The following SOX5 variants were observed in gnomAD, a reference collection of about 807,000 sequenced individuals.
SOX5 encodes the protein transcription factor SOX-5.
A neutral mutation model predicts 92.0 loss-of-function variants in SOX5; 9 were observed. The ratio of observed to expected loss-of-function variants is 0.10; its 90% confidence interval spans 0.06 to 0.17. The LOEUF (loss-of-function observed/expected upper bound fraction) is 0.17. Among genes scored for constraint, SOX5 ranks in the 10% least tolerant of loss-of-function variants. The probability of loss-of-function intolerance (pLI) is 1.00; values close to 1 mark genes in which losing one functional copy is unlikely to be tolerated. For missense variants in SOX5, 642 were observed against 944.5 expected, an observed-to-expected ratio of 0.68 and a Z score of 4.20; for synonymous variants, 344 against 336.3, an observed-to-expected ratio of 1.02 and a Z score of -0.25.
chr12:24,505,112 C>A (rs1948594019), intron 1 of SOX5, among the ~76,000 whole-genome samples: 1 of 152,230 alleles, frequency 6.6e-6, no homozygotes, highest in Non-Finnish European at 1.5e-5. Context: ...CCTATGCCTA[C>A]ATCTGGAAAA....
At chr12:24,361,014 C>G (rs1955494858) in intron 2 of SOX5, among the ~76,000 whole-genome samples, 1 of 152,150 alleles carries the variant, frequency 6.6e-6, no homozygotes, top group African/African-American at 2.4e-5. Flanking sequence ...CACTAAACAT[C>G]TATGGTTCAT....
At chr12:24,244,584 A>T (rs1031714676) in intron 3 of SOX5, among the ~76,000 whole-genome samples, 2 of 152,258 alleles carry the variant, frequency 1.3e-5, no homozygotes, top group Non-Finnish European at 2.9e-5. Context: ...AACTGTGGTG[A>T]GGCACTATTG....
At chr12:24,535,709 G>T (rs1951581995) in intron 1 of SOX5, among the ~76,000 whole-genome samples, 1 of 152,128 alleles carries the variant, frequency 6.6e-6, no homozygotes, top group South Asian at 2.1e-4. Context: ...AGAAAAATAA[G>T]GTATCTGTTG....
rs12228269 is a variant in SOX5 at position 24,476,011 on chromosome 12, A to T, written c.-251+86318T>A. On this transcript the variant is annotated intron_variant, in intron 1 of 4. Transcript: ENST00000446891. The stretch of plus-strand genomic sequence containing the variant: ...ATACATTTAAAAAAAAAAAAAAAAA[A>T]AAAGCAGAAGAGAAAATTTTACAAT... 7.4e-4 allele frequency among the ~76,000 whole-genome samples: 112 copies of T among 151,658 alleles called. 1 individual carries two copies. In the East Asian group the frequency reaches 0.016, roughly 22 times the overall value.
At chr12:23,720,830 G>A (rs2140548564) in intron 6 of SOX5, among the ~76,000 whole-genome samples, 1 of 152,180 alleles carries the variant, frequency 6.6e-6, no homozygotes, top group Non-Finnish European at 1.5e-5. Context: ...TCAAATTCCA[G>A]ATAAAGTCAA....
At chr12:24,415,497 C>T (rs1452040474) in intron 1 of SOX5, among the ~76,000 whole-genome samples, 1 of 151,974 alleles carries the variant, frequency 6.6e-6, no homozygotes, top group Admixed American at 6.6e-5. Flanking sequence ...TTCTATATTC[C>T]CCTAAATCCC....
Position 23,533,909 on chromosome 12 carries a change from T to TAAAA in SOX5, c.*306_*309dup. On this transcript the variant is annotated 3_prime_UTR_variant, in exon 15 of 15. Transcript: ENST00000451604. ...AGAACAAACAGCCATAAAGTTTATT[T>TAAAA]AAAAAAAAAAAAAAGTTGACGGGTA... 1 of 194,218 alleles carries TAAAA rather than the reference T, an allele frequency of 5.1e-6. No homozygotes were observed. Among genetic ancestry groups the TAAAA allele is most frequent in the Non-Finnish European group, 1.0e-5 (1 of 96,430 alleles). The allele number at this position is 194,218 out of a possible 1,614,324, so 12.0% of individuals were successfully genotyped here. A position where few individuals can be genotyped will look rare whatever the true frequency, so the allele number is the denominator to read the frequency against.
At chr12:23,673,059 A>C (rs2085053265) in intron 6 of SOX5, among the ~76,000 whole-genome samples, 1 of 152,178 alleles carries the variant, frequency 6.6e-6, no homozygotes, top group African/African-American at 2.4e-5. Context: ...CCATATTAAA[A>C]GTTGCTAATC....
chr12:24,452,600 G>T (rs60912726), intron 1 of SOX5, among the ~76,000 whole-genome samples: 1 of 152,280 alleles, frequency 6.6e-6, no homozygotes, highest in African/African-American at 2.4e-5. Context: ...ACATCACCCT[G>T]CCTGTTAGAA....
At chr12:24,354,187 A>G (rs1482542538) in intron 2 of SOX5, among the ~76,000 whole-genome samples, 5 of 152,268 alleles carry the variant, frequency 3.3e-5, no homozygotes, top group Non-Finnish European at 7.3e-5. Flanking sequence ...GGAATATCAG[A>G]AAATGTTCTC....
chr12:24,189,848 G>T (rs1460473458), intron 4 of SOX5, among the ~76,000 whole-genome samples: 1 of 152,118 alleles, frequency 6.6e-6, no homozygotes, highest in Non-Finnish European at 1.5e-5. Flanking sequence ...CAAATATGAG[G>T]ACATATTGAG....
intron 3 of SOX5, among the ~76,000 whole-genome samples, chr12:23,772,286 C>A (rs1472663313): frequency 2.0e-5 from 3 of 152,122 alleles, no homozygotes; most frequent in Non-Finnish European, 4.4e-5. Flanking sequence ...AGGTGTTTTA[C>A]ACATAACTTA....
At chr12:24,271,183 T>C (rs1167010850) in intron 3 of SOX5, among the ~76,000 whole-genome samples, 1 of 152,244 alleles carries the variant, frequency 6.6e-6, no homozygotes, top group East Asian at 1.9e-4. Flanking sequence ...CGCTTTGAAC[T>C]GCTAGACGTT....
chr12:23,988,928 T>C (rs1269972964), intron 4 of SOX5, among the ~76,000 whole-genome samples: 2 of 152,142 alleles, frequency 1.3e-5, no homozygotes, highest in Admixed American at 6.6e-5. Flanking sequence ...TGTGCTAACA[T>C]AGAATACAAG....
chr12:23,622,160 A>G (rs944742463), intron 8 of SOX5, among the ~76,000 whole-genome samples: 2 of 152,120 alleles, frequency 1.3e-5, no homozygotes, highest in Non-Finnish European at 2.9e-5. Context: ...CACTTGGAAC[A>G]GGAAGAAATA....
At chr12:24,319,624 T>C (rs1033906840) in intron 2 of SOX5, among the ~76,000 whole-genome samples, 17 of 152,242 alleles carry the variant, frequency 1.1e-4, no homozygotes, top group African/African-American at 3.4e-4. Flanking sequence ...CCAGTCTTTT[T>C]ACCCCTTGAA....
intron 2 of SOX5, among the ~76,000 whole-genome samples, chr12:23,867,891 A>G (rs1329906088): frequency 6.6e-6 from 1 of 151,986 alleles, no homozygotes; most frequent in Non-Finnish European, 1.5e-5. Flanking sequence ...TTTATTGCTA[A>G]TAATATGAGT....
intron 4 of SOX5, among the ~76,000 whole-genome samples, chr12:24,049,829 T>C (rs933801901): frequency 3.3e-5 from 5 of 151,836 alleles, no homozygotes; most frequent in African/African-American, 9.7e-5. Flanking sequence ...TTAAACACCA[T>C]TGCTGCAGTG....
intron 2 of SOX5, among the ~76,000 whole-genome samples, chr12:24,324,447 T>C (rs1004107342): frequency 6.6e-6 from 1 of 152,106 alleles, no homozygotes; most frequent in African/African-American, 2.4e-5. Context: ...GAAGGACTAT[T>C]TTACGTGGGC....
Sources: allele counts gnomAD v4.1 joint callset (sites outside exome capture counted in the v4.1 genomes callset), GRCh38; gene constraint gnomAD v4.1.1; transcripts MANE v1.5; gene names NCBI Gene and HGNC (gene_info 2026-07-23, HGNC 2026-07-21).